Variants in PSD3 observed in about 807,000 individuals in gnomAD.
PSD3 encodes the protein pleckstrin and Sec7 domain containing 3.
A neutral mutation model predicts 105.5 loss-of-function variants in PSD3; 49 were observed. The ratio of observed to expected loss-of-function variants is 0.46; its 90% CI spans 0.37 to 0.59. The LOEUF (loss-of-function observed/expected upper bound fraction) is 0.59. Among genes scored for constraint, PSD3 ranks in the 20% least tolerant of loss-of-function variants. The pLI is 0.00. For missense variants in PSD3, 1,561 were observed against 1,263.8 expected (o/e 1.24, Z -3.57); for synonymous variants, 557 against 457.8 (o/e 1.22, Z -2.77).
At chr8:18,593,979 C>T (rs1292003986) in intron 12 of PSD3, among the ~76,000 whole-genome samples, 87 of 36,194 alleles carry the variant, frequency 2.4e-3, no homozygotes, top group South Asian at 4.3e-3. Context: ...TGTTGTGGGG[C>T]GGGGGGAGGG....
At chr8:18,567,415 G>A (rs1299630668) in intron 14 of PSD3, among the ~76,000 whole-genome samples, 1 of 152,130 alleles carries the variant, frequency 6.6e-6, no homozygotes, top group Non-Finnish European at 1.5e-5. Flanking sequence ...TTTGCTTTAA[G>A]AGTTCATATT....
Position 18,535,267 on chromosome 8 carries a change from T to C in PSD3, c.*476A>G. The stretch of plus-strand genomic sequence containing the variant: ...TGATTCTTACTGGAGCATCTGTGAG[T>C]GCTCAATTCTACCTCTGTGACTGGG... On this transcript the variant is annotated 3_prime_UTR_variant, in exon 16 of 16. Coordinates refer to ENST00000327040, the MANE Select transcript of PSD3 (RefSeq NM_015310.4). The C allele has an allele frequency of 6.0e-6, 1 of 165,812 alleles. No homozygotes were observed. Among genetic ancestry groups the C allele is most frequent in the East Asian group, 1.7e-4 (1 of 6,016 alleles). The allele number at this position is 165,812 out of a possible 1,614,324, so 10.3% of individuals were successfully genotyped here.
At chr8:19,001,069 A>C (rs1826357030) in intron 1 of PSD3, 1 of 150,438 alleles carries the variant, frequency 6.6e-6, no homozygotes, top group African/African-American at 2.4e-5. Flanking sequence ...ACACAGTGCT[A>C]AATGCTTCCA....
intron 8 of PSD3, among the ~76,000 whole-genome samples, chr8:18,778,809 C>T (rs1049628167): frequency 3.3e-5 from 5 of 152,018 alleles, no homozygotes; most frequent in Admixed American, 3.3e-4. Flanking sequence ...ATAAAACCCA[C>T]TTGATCATCG....
chr8:18,670,939 C>T (rs1415297350), intron 9 of PSD3, among the ~76,000 whole-genome samples: 1 of 152,158 alleles, frequency 6.6e-6, no homozygotes, highest in Non-Finnish European at 1.5e-5. Context: ...GTACACTTTG[C>T]TTCTTCGATG....
chr8:19,012,593 A>C (rs1308106282), intron 1 of PSD3, among the ~76,000 whole-genome samples: 1 of 152,110 alleles, frequency 6.6e-6, no homozygotes, highest in East Asian at 1.9e-4. Context: ...GAGATCCTCC[A>C]TGGTAGCCTA....
chr8:18,829,683 C>A (rs1471311367), intron 4 of PSD3, among the ~76,000 whole-genome samples: 2 of 152,088 alleles, frequency 1.3e-5, no homozygotes, highest in Non-Finnish European at 2.9e-5. Flanking sequence ...ATGAAGCCTG[C>A]GGAAACCCTC....
At chr8:18,936,640 C>G (rs1040427543) in intron 1 of PSD3, among the ~76,000 whole-genome samples, 5 of 151,846 alleles carry the variant, frequency 3.3e-5, no homozygotes, top group African/African-American at 4.8e-5. Flanking sequence ...TTCCTGTAAT[C>G]TCAGCTACTC....
intron 1 of PSD3, among the ~76,000 whole-genome samples, chr8:18,999,717 G>C (rs1826274034): frequency 6.6e-6 from 1 of 151,362 alleles, no homozygotes; most frequent in Non-Finnish European, 1.5e-5. Flanking sequence ...TATTCATGAA[G>C]GAAATACCTC....
At chr8:18,865,259 TATATATATATATATATATATA>T (rs1333769933) in intron 4 of PSD3, 692 of 6,848 alleles carry the variant, frequency 0.1, 85 homozygotes, top group Non-Finnish European at 0.14. Context: ...TATATATATA[TATATATATATATATATATATA>T]TATATATTTT....
intron 2 of PSD3, among the ~76,000 whole-genome samples, chr8:18,922,697 C>T (rs753111812): frequency 3.3e-5 from 5 of 152,170 alleles, no homozygotes; most frequent in Non-Finnish European, 4.4e-5. Flanking sequence ...GGTTGTTTCA[C>T]CTGCGCTTCT....
Position 18,824,799 on chromosome 8 carries a change from T to G in PSD3, c.1635-19901A>C, listed in dbSNP as rs530036592. Among the ~76,000 whole-genome samples the G allele has an allele frequency of 2.0e-4, 31 of 152,230 alleles. 1 individual carries two copies. The highest frequency in any genetic ancestry group is 1.6e-3 in the Admixed American group (24 of 15,286). On this transcript the variant is annotated intron_variant, in intron 4 of 15. Transcript: ENST00000327040. ...AACTAGAAGAGTCAAATTAGATCCCTAGGCAGAGTATCAATAACACACAGT... is the reference window on the plus strand; with the variant it reads ...AACTAGAAGAGTCAAATTAGATCCCGAGGCAGAGTATCAATAACACACAGT...
chr8:18,810,871 G>A (rs967237444), intron 4 of PSD3, among the ~76,000 whole-genome samples: 1 of 152,158 alleles, frequency 6.6e-6, no homozygotes, highest in Admixed American at 6.5e-5. Flanking sequence ...ACAAGAGGGC[G>A]GGTACAAACG....
chr8:19,016,525 T>G (rs950125717), upstream of PSD3, among the ~76,000 whole-genome samples: 7 of 152,294 alleles, frequency 4.6e-5, no homozygotes, highest in African/African-American at 1.7e-4. Context: ...AAATACAAAT[T>G]TCTAAGAGTT....
chr8:18,616,384 G>T (rs73583914), intron 11 of PSD3, among the ~76,000 whole-genome samples: 2,061 of 152,308 alleles, frequency 0.014, 42 homozygotes, highest in African/African-American at 0.047. Context: ...TATCTTTTGT[G>T]GGGGAGATTT....
intron 9 of PSD3, among the ~76,000 whole-genome samples, chr8:18,663,401 G>C (rs1809499377): frequency 6.6e-6 from 1 of 151,660 alleles, no homozygotes; most frequent in South Asian, 2.1e-4. Context: ...ACTCCAGCCT[G>C]GGCGACAGAA....
chr8:18,584,499 A>C (rs1803021250), intron 12 of PSD3, among the ~76,000 whole-genome samples: 1 of 152,240 alleles, frequency 6.6e-6, no homozygotes, highest in South Asian at 2.1e-4. Flanking sequence ...TTAGAACGCC[A>C]GCTTTTCAAT....
At chr8:19,069,084 A>C (rs1245197390) in intron 1 of PSD3, among the ~76,000 whole-genome samples, 1 of 152,206 alleles carries the variant, frequency 6.6e-6, no homozygotes. Flanking sequence ...AAGTTGTTTT[A>C]AACTGTCTAA....
At chr8:18,987,711 T>C (rs1201564164) in intron 1 of PSD3, among the ~76,000 whole-genome samples, 1 of 151,866 alleles carries the variant, frequency 6.6e-6, no homozygotes, top group Non-Finnish European at 1.5e-5. Context: ...CCTAGCTACA[T>C]AGGAGGCTGA....
Sources: allele counts gnomAD v4.1 joint callset (sites outside exome capture counted in the v4.1 genomes callset), GRCh38; gene constraint gnomAD v4.1.1; transcripts MANE v1.5; gene names NCBI Gene and HGNC (gene_info 2026-07-23, HGNC 2026-07-21).